KLHL32: variants seen among roughly 807,000 people sequenced by gnomAD.
The protein encoded by KLHL32 is kelch-like protein 32.
A neutral mutation model predicts 64.8 loss-of-function variants in KLHL32; 35 were observed. That is an observed-to-expected ratio of 0.54 (90% CI 0.41 to 0.72). The LOEUF (loss-of-function observed/expected upper bound fraction) is 0.72. Among genes scored for constraint, KLHL32 ranks in the 30% least tolerant of loss-of-function variants. The pLI is 0.00. For synonymous variants in KLHL32, 259 were observed against 281.0 expected (o/e 0.92, Z 0.78); for missense variants, 589 against 768.5 (o/e 0.77, Z 2.76).
intron 1 of KLHL32, among the ~76,000 whole-genome samples, chr6:96,937,946 C>G (rs1401497881): frequency 6.6e-6 from 1 of 152,212 alleles, no homozygotes; most frequent in East Asian, 1.9e-4. Context: ...TCTAATTCTT[C>G]CCCAATGTGA....
At chr6:97,106,238 T>C (rs900882636) in intron 6 of KLHL32, among the ~76,000 whole-genome samples, 3 of 152,106 alleles carry the variant, frequency 2.0e-5, no homozygotes, top group African/African-American at 4.8e-5. Flanking sequence ...CTGAAATACA[T>C]ATGATTAAAT....
intron 6 of KLHL32, among the ~76,000 whole-genome samples, chr6:97,109,233 C>T (rs1250058575): frequency 6.6e-6 from 1 of 152,086 alleles, no homozygotes; most frequent in African/African-American, 2.4e-5. Context: ...TTAGATTCAC[C>T]TTTGATCTGG....
At chr6:96,910,806 G>T in the KLHL32 span, among the ~76,000 whole-genome samples, 1 of 152,108 alleles carries the variant, frequency 6.6e-6, no homozygotes, top group Non-Finnish European at 1.5e-5. Flanking sequence ...CATGCAGTTT[G>T]TTGATAAAAT....
intron 5 of KLHL32, among the ~76,000 whole-genome samples, chr6:97,069,923 C>G (rs1790438621): frequency 6.6e-6 from 1 of 151,836 alleles, no homozygotes; most frequent in African/African-American, 2.4e-5. Flanking sequence ...GAGGTTATCT[C>G]TTCTAAACAA....
chr6:97,044,584 T>C (rs1200981111), intron 4 of KLHL32, among the ~76,000 whole-genome samples: 1 of 152,086 alleles, frequency 6.6e-6, no homozygotes, highest in Non-Finnish European at 1.5e-5. Flanking sequence ...ATTGATATTC[T>C]TTCTTCTTTA....
chr6:96,898,085 C>T, the KLHL32 span, among the ~76,000 whole-genome samples: 1 of 152,244 alleles, frequency 6.6e-6, no homozygotes, highest in Admixed American at 6.5e-5. Context: ...TTGCTTTTAA[C>T]GCTGGAACTC....
intron 7 of KLHL32, among the ~76,000 whole-genome samples, chr6:97,125,329 C>T (rs964948521): frequency 2.0e-5 from 3 of 152,116 alleles, no homozygotes; most frequent in African/African-American, 7.2e-5. Context: ...CACTAATCCT[C>T]TGGATTCTTG....
intron 3 of KLHL32, among the ~76,000 whole-genome samples, chr6:97,034,972 G>A (rs1372723875): frequency 6.6e-6 from 1 of 151,764 alleles, no homozygotes; most frequent in Non-Finnish European, 1.5e-5. Flanking sequence ...TCTCCCATTT[G>A]GATGCTTTTT....
intron 5 of KLHL32, among the ~76,000 whole-genome samples, chr6:97,076,275 C>T (rs1791578364): frequency 6.6e-6 from 1 of 152,188 alleles, no homozygotes; most frequent in Admixed American, 6.5e-5. Flanking sequence ...GTTTTCTTCC[C>T]TTTACCCGCT....
intron 6 of KLHL32, among the ~76,000 whole-genome samples, chr6:97,096,589 T>A (rs1231586053): frequency 6.6e-6 from 1 of 152,268 alleles, no homozygotes; most frequent in Admixed American, 6.5e-5. Flanking sequence ...GCCTGGCCTA[T>A]TGCAGAATTT....
At chr6:97,008,124 G>T (rs1198257716) in intron 3 of KLHL32, among the ~76,000 whole-genome samples, 2 of 152,144 alleles carry the variant, frequency 1.3e-5, no homozygotes, top group African/African-American at 4.8e-5. Flanking sequence ...AGGTTGTCTG[G>T]CATTTGTGCC....
At chr6:97,069,455 C>A (rs1790357750) in intron 5 of KLHL32, among the ~76,000 whole-genome samples, 2 of 146,598 alleles carry the variant, frequency 1.4e-5, no homozygotes, top group Non-Finnish European at 3.0e-5. Context: ...TATGTTTCCA[C>A]TTTCAATTCT....
At chr6:96,925,959 T>TG (rs901341459) in intron 1 of KLHL32, among the ~76,000 whole-genome samples, 92 of 133,092 alleles carry the variant, frequency 6.9e-4, no homozygotes, top group African/African-American at 2.2e-3. Flanking sequence ...TTGCTTTTTG[T>TG]TTTTTTTCTG....
intron 1 of KLHL32, among the ~76,000 whole-genome samples, chr6:96,957,530 T>G (rs1215496215): frequency 6.6e-6 from 1 of 152,218 alleles, no homozygotes; most frequent in African/African-American, 2.4e-5. Context: ...TAATTTTAAC[T>G]GGTGTGAAAG....
At chr6:97,025,901 A>G (rs895810939) in intron 3 of KLHL32, among the ~76,000 whole-genome samples, 1 of 152,196 alleles carries the variant, frequency 6.6e-6, no homozygotes, top group African/African-American at 2.4e-5. Flanking sequence ...CCACATGGTA[A>G]AAGCTGGGTA....
At chr6:97,136,245 C>A (rs977756702) in intron 10 of KLHL32, among the ~76,000 whole-genome samples, 1 of 152,126 alleles carries the variant, frequency 6.6e-6, no homozygotes, top group Non-Finnish European at 1.5e-5. Flanking sequence ...TTAACTGTCC[C>A]TTCTGGACCC....
chr6:96,962,687 T>C (rs1360159108), intron 1 of KLHL32, among the ~76,000 whole-genome samples: 1 of 151,312 alleles, frequency 6.6e-6, no homozygotes, highest in East Asian at 1.9e-4. Flanking sequence ...TGATGTTTAC[T>C]GAGACCCTGT....
chr6:97,019,318 A>G (rs1781669299), intron 3 of KLHL32, among the ~76,000 whole-genome samples: 2 of 152,202 alleles, frequency 1.3e-5, no homozygotes, highest in African/African-American at 4.8e-5. Context: ...CTTGGACCCA[A>G]TAACTGCAGA....
chr6:96,923,987 GGTT>G (rs572318620), upstream of KLHL32, among the ~76,000 whole-genome samples: 38 of 152,268 alleles, frequency 2.5e-4, no homozygotes, highest in African/African-American at 8.9e-4. Context: ...ATGGTTCTGT[GGTT>G]GTTGTCTGTT....
Sources: gnomAD v4.1 joint callset for allele counts (sites outside exome capture counted in the v4.1 genomes callset) on GRCh38, gnomAD v4.1.1 for gene constraint, MANE v1.5 for transcripts, NCBI Gene and HGNC (gene_info 2026-07-23, HGNC 2026-07-21) for gene names.